CNTNAP4: variants seen among roughly 807,000 people sequenced by gnomAD.
CNTNAP4 encodes contactin-associated protein-like 4.
CNTNAP4 carries 98 observed loss-of-function variants against 148.4 expected under a neutral mutation model. That is an observed-to-expected ratio of 0.66 (90% CI 0.56 to 0.78). The LOEUF is 0.78. CNTNAP4 is among the 30% of genes least tolerant of loss of function. The probability of loss-of-function intolerance (pLI) is 0.00; values close to 1 mark genes in which losing one functional copy is unlikely to be tolerated. For missense variants in CNTNAP4, 1,935 were observed against 1,565.6 expected (o/e 1.24, Z -3.98); for synonymous variants, 730 against 565.1 (o/e 1.29, Z -4.14).
intron 17 of CNTNAP4, among the ~76,000 whole-genome samples, chr16:76,529,529 G>A (rs1012870834): frequency 6.6e-6 from 1 of 152,138 alleles, no homozygotes; most frequent in Non-Finnish European, 1.5e-5. Context: ...CAGCATTTTC[G>A]TAGAAGCTTC....
Position 76,447,916 on chromosome 16 carries a change from A to G in CNTNAP4, c.539-96A>G, listed in dbSNP as rs1005347515. On this transcript the variant is annotated intron_variant, in intron 4 of 23. Transcript: ENST00000611870. ...CATCTGTATATGCATGTGTATGAGT[A>G]CGTATACTGCCTTTTCTCAATATAT... The G allele has an allele frequency of 8.6e-6, 7 of 813,490 alleles. 1 individual carries two copies. Among genetic ancestry groups the G allele is most frequent in the African/African-American group, 1.7e-5 (1 of 58,526 alleles). The allele number at this position is 813,490 out of a possible 1,614,324, so 50.4% of individuals were successfully genotyped here.
intron 8 of CNTNAP4, 76 bp from the exon 9 acceptor site, chr16:76,461,880 G>A: frequency 8.1e-7 from 1 of 1,242,170 alleles, no homozygotes; most frequent in Non-Finnish European, 1.2e-6. Flanking sequence ...TGAGTGATGT[G>A]TATATTGCTG....
intron 3 of CNTNAP4, among the ~76,000 whole-genome samples, chr16:76,357,437 T>A (rs982902373): frequency 6.6e-6 from 1 of 152,226 alleles, no homozygotes; most frequent in Admixed American, 6.5e-5. Context: ...GAGGCGCTCA[T>A]GGTGAAATGG....
chr16:76,295,662 G>A (rs554089334), intron 1 of CNTNAP4, among the ~76,000 whole-genome samples: 4 of 152,310 alleles, frequency 2.6e-5, no homozygotes, highest in African/African-American at 4.8e-5. Flanking sequence ...CTGACAGCAC[G>A]TCATGGCTGT....
At position 76,452,623 on chromosome 16, in the gene CNTNAP4, T is replaced by C; in HGVS notation, c.1187T>C (p.Phe396Ser). 6.2e-7 allele frequency: 1 copy of C among 1,613,982 alleles called. No homozygotes were observed. Residue 396 changes from phenylalanine (F) to serine (S), a missense_variant, in exon 8 of 24, where the codon TTT becomes TCT. Transcript: ENST00000611870. ...FSGEEEVSAT[F>S]QFRTWNKAGL... is the part of the protein sequence containing the mutation. ...GGAGAGGAGGAGGTTTCTGCCACTT[T>C]TCAATTTCGAACTTGGAATAAGGCA...
At chr16:76,462,220 A>T (rs2081000484) in intron 9 of CNTNAP4, 115 bp downstream of exon 9, 3 of 956,348 alleles carry the variant, frequency 3.1e-6, no homozygotes, top group Non-Finnish European at 4.5e-6. Flanking sequence ...ATAATTTTTC[A>T]CTGTCTTTGA....
chr16:76,522,291 A>T, intron 17 of CNTNAP4, 34 bp downstream of exon 17: 5 of 1,570,112 alleles, frequency 3.2e-6, no homozygotes, highest in Non-Finnish European at 4.4e-6. Context: ...ATTTTATTGT[A>T]TGATATGTGT....
intron 10 of CNTNAP4, among the ~76,000 whole-genome samples, chr16:76,472,998 G>C (rs552206209): frequency 2.6e-5 from 4 of 152,090 alleles, no homozygotes; most frequent in Admixed American, 1.3e-4. Flanking sequence ...ACTCCGTGAG[G>C]GGGGCAGAGG....
chr16:76,448,724 T>TTTG (rs1597576356), intron 5 of CNTNAP4, 43 bp from the exon 6 acceptor site: 1 of 1,435,292 alleles, frequency 7.0e-7, no homozygotes, highest in Non-Finnish European at 9.3e-7. Context: ...TTTTTTTCTT[T>TTTG]AGACTGGCAA....
intron 3 of CNTNAP4, among the ~76,000 whole-genome samples, chr16:76,377,323 C>G (rs1478699125): frequency 6.6e-6 from 1 of 152,018 alleles, no homozygotes; most frequent in African/African-American, 2.4e-5. Flanking sequence ...GTAGCCTAGT[C>G]AAGGTGATGC....
At chr16:76,320,845 A>T (rs9934361) in intron 2 of CNTNAP4, among the ~76,000 whole-genome samples, 1 of 151,898 alleles carries the variant, frequency 6.6e-6, no homozygotes, top group Non-Finnish European at 1.5e-5. Context: ...CAAATTGATA[A>T]ATTTGTGTAC....
chr16:76,320,700 C>G (rs1021741751), intron 2 of CNTNAP4, among the ~76,000 whole-genome samples: 2 of 152,024 alleles, frequency 1.3e-5, no homozygotes, highest in African/African-American at 4.8e-5. Context: ...TTCTAGTGTC[C>G]CATTTGGTTG....
chr16:76,295,254 T>C (rs1375508428), intron 1 of CNTNAP4, among the ~76,000 whole-genome samples: 1 of 151,926 alleles, frequency 6.6e-6, no homozygotes, highest in African/African-American at 2.4e-5. Context: ...CATAGCGAGG[T>C]CCACAAAAGC....
chr16:76,509,833 T>G (rs2082947805), intron 15 of CNTNAP4, among the ~76,000 whole-genome samples: 1 of 91,584 alleles, frequency 1.1e-5, no homozygotes, highest in African/African-American at 2.9e-5. Flanking sequence ...TATTTTACCT[T>G]TTTTTTTGTC....
Position 76,560,188 on chromosome 16 carries a change from G to A in CNTNAP4, c.*1505G>A, listed in dbSNP as rs1597171605. Among the ~76,000 whole-genome samples, 2 of 152,118 alleles carry A rather than the reference G, an allele frequency of 1.3e-5. No individual in the cohort carries two copies. The highest frequency in any genetic ancestry group is 4.8e-5 in the African/African-American group (2 of 41,436). On this transcript the variant is annotated 3_prime_UTR_variant, in exon 24 of 24. Coordinates refer to ENST00000611870, the MANE Select transcript of CNTNAP4 (RefSeq NM_033401.5). Reference sequence around the variant, plus strand: ...ACTCACACCTTCAAGTGCCTCCCAAGTAACTATTGGATTTCTTAGTTTGTC... The same window carrying A: ...ACTCACACCTTCAAGTGCCTCCCAAATAACTATTGGATTTCTTAGTTTGTC...
chr16:76,321,844 A>G (rs1274620382), intron 2 of CNTNAP4, among the ~76,000 whole-genome samples: 1 of 151,780 alleles, frequency 6.6e-6, no homozygotes, highest in Non-Finnish European at 1.5e-5. Flanking sequence ...GATAGTATTA[A>G]TATATTTAAT....
intron 1 of CNTNAP4, among the ~76,000 whole-genome samples, chr16:76,311,496 GAATT>G (rs1280539840): frequency 6.6e-6 from 1 of 152,050 alleles, no homozygotes; most frequent in Admixed American, 6.6e-5. Context: ...ATATTTAACA[GAATT>G]CATTAAAACA....
At chr16:76,408,000 G>A (rs550999989) in intron 3 of CNTNAP4, among the ~76,000 whole-genome samples, 2 of 152,004 alleles carry the variant, frequency 1.3e-5, no homozygotes, top group African/African-American at 4.8e-5. Flanking sequence ...CAATATCGAG[G>A]CAAGAACCTC....
At position 76,307,523 on chromosome 16, in the gene CNTNAP4, T is replaced by TGC. The variant is rs1960615269; in HGVS notation, c.86-8890_86-8889insGC. Among the ~76,000 whole-genome samples the TGC allele has an allele frequency of 3.1e-5, 4 of 128,990 alleles. No individual in the cohort carries two copies. The Admixed American group carries it at 3.3e-4, about 11-fold the overall frequency. The allele number at this position is 128,990 out of a possible 152,430, so 84.6% of individuals were successfully genotyped here. ...AAATGCATATATATATATATATATA[T>TGC]ATATATATATATATATACCAAACTC... On this transcript the variant is annotated intron_variant, in intron 1 of 23. Coordinates refer to ENST00000611870, the MANE Select transcript of CNTNAP4 (RefSeq NM_033401.5).
Sources: allele counts gnomAD v4.1 joint callset (sites outside exome capture counted in the v4.1 genomes callset), GRCh38; gene constraint gnomAD v4.1.1; transcripts MANE v1.5; gene names NCBI Gene and HGNC (gene_info 2026-07-23, HGNC 2026-07-21).